Variants in INPP5A observed in about 807,000 individuals in gnomAD.
The protein encoded by INPP5A is inositol polyphosphate-5-phosphatase A, also known as 43 kDa inositol polyphosphate 5-phophatase.
A neutral mutation model predicts 65.2 loss-of-function variants in INPP5A; 14 were observed. That is an observed-to-expected ratio of 0.21 (90% CI 0.14 to 0.34). The LOEUF (loss-of-function observed/expected upper bound fraction) is 0.34. Ranked by LOEUF, INPP5A falls within the 10% of genes least tolerant of loss-of-function variation. INPP5A has a pLI of 1.00. For missense variants in INPP5A, 431 were observed against 545.6 expected (o/e 0.79, Z 2.09); for synonymous variants, 207 against 208.3 (o/e 0.99, Z 0.05).
chr10:132,776,746 A>T (rs1847070222), intron 12 of INPP5A, among the ~76,000 whole-genome samples: 1 of 152,056 alleles, frequency 6.6e-6, no homozygotes, highest in Non-Finnish European at 1.5e-5. Flanking sequence ...TTGCAGCCTG[A>T]TGGGTGGGTC....
In INPP5A at chr10:132,741,663, A is replaced by G. The variant is rs536157137; in HGVS notation, c.733-7854A>G. Among the ~76,000 whole-genome samples, 2 of 152,188 alleles carry G rather than the reference A, an allele frequency of 1.3e-5. No individual in the cohort carries two copies. The highest frequency in any genetic ancestry group is 4.2e-4 in the South Asian group (2 of 4,816). ...CCCCGGAATGAAGGTGGACGTTGGT[A>G]TCCGCGTCCGCTTGCTTTTCTCAAT... On this transcript the variant is annotated intron_variant, in intron 9 of 15. Coordinates refer to ENST00000368594, the MANE Select transcript of INPP5A (RefSeq NM_005539.5). This position sits in a 1 kb window ranked among gnomAD's most constrained non-coding sequence, Gnocchi z 4.4.
chr10:132,624,221 T>C (rs1195301523), intron 2 of INPP5A, among the ~76,000 whole-genome samples: 1 of 152,230 alleles, frequency 6.6e-6, no homozygotes, highest in African/African-American at 2.4e-5. Context: ...TCACAGCTGC[T>C]TCACCTGTGA....
chr10:132,609,713 C>T (rs942699751), intron 2 of INPP5A, among the ~76,000 whole-genome samples: 2 of 152,206 alleles, frequency 1.3e-5, no homozygotes, highest in Non-Finnish European at 2.9e-5. Flanking sequence ...GTTGCGATCT[C>T]GGCTCACTGC....
In INPP5A at chr10:132,549,695, A is replaced by G. The variant is rs561797272; in HGVS notation, c.75+11524A>G. Among the ~76,000 whole-genome samples the G allele has an allele frequency of 6.6e-6, 1 of 152,286 alleles. No homozygotes were observed. The highest frequency in any genetic ancestry group is 2.4e-5 in the African/African-American group (1 of 41,556). On this transcript the variant is annotated intron_variant, in intron 1 of 15. Transcript: ENST00000368594. The surrounding 1 kb of genome is among the most constrained non-coding windows in gnomAD (Gnocchi z 4.9). ...TGGAGCTCTGCAGCTGCAGGGCGGG[A>G]GCCGGGGCTTCCGTGAGGCTCTGTG...
At position 132,619,968 on chromosome 10, in the gene INPP5A, A is replaced by G. The variant is rs113125228; in HGVS notation, c.117+12012A>G. ...CTTTGCCAGCATTCTTCACTCTTGC[A>G]TTCTGTGCACCTACAGGCTTAACAC... On this transcript the variant is annotated intron_variant, in intron 2 of 15. Transcript: ENST00000368594. Among the ~76,000 whole-genome samples the G allele has an allele frequency of 9.1e-3, 1,388 of 152,334 alleles. 8 individuals carry two copies. The highest frequency in any genetic ancestry group is 0.017 in the Middle Eastern group (5 of 294).
intron 1 of INPP5A, among the ~76,000 whole-genome samples, chr10:132,604,494 C>T (rs1172052460): frequency 1.3e-5 from 2 of 152,226 alleles, no homozygotes; most frequent in Admixed American, 6.5e-5. Flanking sequence ...CTCTTCCCCC[C>T]GTTTGTTATT....
intron 12 of INPP5A, among the ~76,000 whole-genome samples, chr10:132,776,719 C>G (rs909973977): frequency 1.3e-5 from 2 of 152,196 alleles, no homozygotes; most frequent in Non-Finnish European, 2.9e-5. Flanking sequence ...AAGCAACATG[C>G]CCATTTGGGG....
Position 132,782,213 on chromosome 10 carries a change from G to T in INPP5A, c.*184G>T. 1.4e-6 allele frequency: 1 copy of T among 736,518 alleles called. No individual in the cohort carries two copies. The highest frequency in any genetic ancestry group is 1.6e-5 in the South Asian group (1 of 63,074). 45.6% of individuals were successfully genotyped at this position (736,518 alleles called of 1,614,324 possible). On this transcript the variant is annotated 3_prime_UTR_variant, in exon 16 of 16. Transcript: ENST00000368594. This position sits in a 1 kb window ranked among gnomAD's most constrained non-coding sequence, Gnocchi z 4.4. Reference sequence around the variant, plus strand: ...CCGGAGCAGCCTCACATACCTCACTGTCTCGTCTGTCTATGTGACATTAAG... The same window carrying T: ...CCGGAGCAGCCTCACATACCTCACTTTCTCGTCTGTCTATGTGACATTAAG...
At position 132,675,528 on chromosome 10, in the gene INPP5A, G is replaced by A. The variant is rs151163594; in HGVS notation, c.307-14864G>A. ...CAGTGTAAAACACGGAGAGAAGTGC[G>A]GTTGAGCATGGGGGTGGGTGCGTGT... On this transcript the variant is annotated intron_variant, in intron 4 of 15. Coordinates refer to ENST00000368594, the MANE Select transcript of INPP5A (RefSeq NM_005539.5). The surrounding 1 kb of genome is among the most constrained non-coding windows in gnomAD (Gnocchi z 4.2). Among the ~76,000 whole-genome samples, 683 of 152,312 alleles carry A rather than the reference G, an allele frequency of 4.5e-3. 1 individual carries two copies. Among genetic ancestry groups the A allele is most frequent in the Non-Finnish European group, 6.9e-3 (469 of 68,024 alleles).
At chr10:132,566,101 T>C (rs186859828) in intron 1 of INPP5A, among the ~76,000 whole-genome samples, 6 of 152,200 alleles carry the variant, frequency 3.9e-5, no homozygotes, top group African/African-American at 1.4e-4. Context: ...CAAGGAAACC[T>C]GTCAAACTTA....
At chr10:132,717,242 G>A (rs1190709700) in intron 8 of INPP5A, among the ~76,000 whole-genome samples, 1 of 152,140 alleles carries the variant, frequency 6.6e-6, no homozygotes, top group Non-Finnish European at 1.5e-5. Context: ...TCAGGGCCCC[G>A]CCTCCCTCCC....
intron 8 of INPP5A, 119 bp from the exon 9 acceptor site, chr10:132,726,702 C>A: frequency 1.4e-6 from 1 of 713,932 alleles, no homozygotes; most frequent in Non-Finnish European, 2.4e-6. Context: ...TGAGGTTCCC[C>A]TGCAGCAGGT....
chr10:132,597,078 CGT>C (rs112483565), intron 1 of INPP5A, among the ~76,000 whole-genome samples: 9 of 145,694 alleles, frequency 6.2e-5, no homozygotes, highest in African/African-American at 1.0e-4. Flanking sequence ...TACGTGTGTG[CGT>C]GTGTGTATGT....
At chr10:132,748,380 G>C (rs978986554) in intron 9 of INPP5A, among the ~76,000 whole-genome samples, 3 of 152,222 alleles carry the variant, frequency 2.0e-5, no homozygotes, top group Non-Finnish European at 4.4e-5. Context: ...TCCACACAGA[G>C]CTTTGATTTC....
chr10:132,646,527 C>T (rs1229543842), intron 3 of INPP5A, among the ~76,000 whole-genome samples: 2 of 152,160 alleles, frequency 1.3e-5, no homozygotes, highest in African/African-American at 4.8e-5. Flanking sequence ...GGCAGGCAGG[C>T]TTGTGTTCAG....
chr10:132,649,206 C>T (rs2072539728), intron 3 of INPP5A, among the ~76,000 whole-genome samples: 1 of 152,162 alleles, frequency 6.6e-6, no homozygotes, highest in Non-Finnish European at 1.5e-5. Flanking sequence ...TTGTGTTTGT[C>T]CACTCCTTCC....
chr10:132,763,769 G>GTA (rs1305983275), intron 11 of INPP5A, among the ~76,000 whole-genome samples: 1 of 149,012 alleles, frequency 6.7e-6, no homozygotes, highest in Non-Finnish European at 1.5e-5. Context: ...ACATGCCGTT[G>GTA]CACACATAAA....
At chr10:132,654,063 T>G (rs12762637) in intron 4 of INPP5A, among the ~76,000 whole-genome samples, 25,732 of 152,304 alleles carry the variant, frequency 0.17, 2,421 homozygotes, top group Admixed American at 0.27. Context: ...GAGGCAGCCG[T>G]GCTGTGTCTG....
rs1355792595 is a variant in INPP5A, at chr10:132,587,582, C to G, written c.76-20333C>G. Among the ~76,000 whole-genome samples the G allele has an allele frequency of 4.6e-5, 7 of 152,206 alleles. No homozygotes were observed. Among genetic ancestry groups the G allele is most frequent in the Non-Finnish European group, 1.0e-4 (7 of 68,030 alleles). On this transcript the variant is annotated intron_variant, in intron 1 of 15. Coordinates refer to ENST00000368594, the MANE Select transcript of INPP5A (RefSeq NM_005539.5). This position sits in a 1 kb window ranked among gnomAD's most constrained non-coding sequence, Gnocchi z 4.3. ...GCCAATGTTTAAACCTGCCTGAACT[C>G]CAGCCTCTCCCTCTTTGTTGTTTGT...
Sources: allele counts gnomAD v4.1 joint callset (sites outside exome capture counted in the v4.1 genomes callset), GRCh38; gene constraint gnomAD v4.1.1; non-coding constraint Gnocchi (gnomAD v3.1); transcripts MANE v1.5; gene names NCBI Gene and HGNC (gene_info 2026-07-23, HGNC 2026-07-21).